Variants in TXLNB observed in about 807,000 individuals in gnomAD.
TXLNB encodes the protein beta-taxilin.
TXLNB carries 37 observed loss-of-function variants against 57.4 expected under a neutral mutation model. The ratio of observed to expected loss-of-function variants is 0.64; its 90% confidence interval spans 0.50 to 0.85. TXLNB has a LOEUF of 0.85. Ranked by LOEUF, TXLNB falls within the 40% of genes least tolerant of loss-of-function variation. The pLI, the probability that TXLNB is intolerant of heterozygous loss-of-function variation, is 0.00. For missense variants in TXLNB, 848 were observed against 825.6 expected (o/e 1.03, Z -0.33); for synonymous variants, 302 against 309.6 (o/e 0.98, Z 0.26).
the TXLNB span, among the ~76,000 whole-genome samples, chr6:139,209,254 A>G: frequency 6.6e-6 from 1 of 152,316 alleles, no homozygotes; most frequent in Admixed American, 6.5e-5. Flanking sequence ...GAGGTGAAAG[A>G]TCTCTACAAG....
chr6:139,293,172 A>G (rs1167865076), upstream of TXLNB, among the ~76,000 whole-genome samples: 1 of 152,130 alleles, frequency 6.6e-6, no homozygotes, highest in Non-Finnish European at 1.5e-5. Context: ...ATCTCAGCTC[A>G]CTGCAACCTC....
intron 1 of TXLNB, among the ~76,000 whole-genome samples, chr6:139,290,013 C>CT (rs374617454): frequency 7.2e-5 from 11 of 152,052 alleles, no homozygotes; most frequent in African/African-American, 2.2e-4. Context: ...AACACGAATG[C>CT]TTTTTTTGAG....
the TXLNB span, among the ~76,000 whole-genome samples, chr6:139,315,068 T>G: frequency 1.3e-5 from 2 of 152,110 alleles, no homozygotes; most frequent in Non-Finnish European, 2.9e-5. Context: ...GCCTGAGATA[T>G]TTTGCAGGCC....
intron 3 of TXLNB, chr6:139,271,532 T>A (rs539386586): frequency 2.6e-5 from 4 of 152,190 alleles, no homozygotes; most frequent in Non-Finnish European, 4.4e-5. Flanking sequence ...TTCAAATAAA[T>A]AAGAAATAAT....
rs764604370 is a variant in TXLNB, at chr6:139,242,732, C to T, written c.1849G>A (p.Ala617Thr). The T allele has an allele frequency of 1.9e-6, 3 of 1,613,434 alleles. No homozygotes were observed. The highest frequency in any genetic ancestry group is 1.3e-5 in the African/African-American group (1 of 74,848). ...TTCTGTAGGGAGGCCTCGGTGGGAG[C>T]CTGTGGGGCCTGACCGGAAGCTTCT... is the stretch of plus-strand genomic sequence containing the variant. Reference protein sequence around the residue: ...EAEASGQAPQAPTEASLQKME... With the variant: ...EAEASGQAPQTPTEASLQKME... The change falls in exon 10 of 10, where the codon GCT becomes ACT. Residue 617 changes from alanine (A) to threonine (T), a missense_variant. Ala to Thr is a moderately conservative substitution (Grantham distance 58). Transcript: ENST00000358430.
chr6:139,317,670 C>T, the TXLNB span, among the ~76,000 whole-genome samples: 22 of 152,098 alleles, frequency 1.4e-4, no homozygotes, highest in East Asian at 3.9e-4. Context: ...GGATTACAGG[C>T]GTGAGCCACC....
chr6:139,253,781 A>T (rs1267398529), intron 7 of TXLNB, among the ~76,000 whole-genome samples: 1 of 152,196 alleles, frequency 6.6e-6, no homozygotes, highest in African/African-American at 2.4e-5. Flanking sequence ...TTAACAATGT[A>T]ATCTACTCTG....
At chr6:139,253,886 C>T (rs1160663210) in intron 7 of TXLNB, among the ~76,000 whole-genome samples, 1 of 152,124 alleles carries the variant, frequency 6.6e-6, no homozygotes, top group Non-Finnish European at 1.5e-5. Context: ...ATTTATTGTT[C>T]CCCTCAAGGC....
At chr6:139,244,721 C>T (rs1428925865) in intron 8 of TXLNB, 31 bp from the exon 9 acceptor site, 1 of 1,509,922 alleles carries the variant, frequency 6.6e-7, no homozygotes, top group Non-Finnish European at 9.2e-7. Flanking sequence ...GTGTGTTAAT[C>T]TTGAAAAGTT....
At chr6:139,178,452 A>C in the TXLNB span, 1 of 151,952 alleles carries the variant, frequency 6.6e-6, no homozygotes, top group Non-Finnish European at 1.5e-5. Flanking sequence ...TGAATAGCCA[A>C]ATTTGGGGTT....
the TXLNB span, among the ~76,000 whole-genome samples, chr6:139,201,325 C>T: frequency 3.9e-5 from 6 of 152,162 alleles, no homozygotes; most frequent in Non-Finnish European, 2.9e-5. Flanking sequence ...CTCCACATCA[C>T]CAAACTGAAA....
intron 4 of TXLNB, among the ~76,000 whole-genome samples, chr6:139,265,491 A>G (rs2114534561): frequency 6.6e-6 from 1 of 152,164 alleles, no homozygotes; most frequent in East Asian, 1.9e-4. Flanking sequence ...AGCGGTTTTA[A>G]TAAAGAAAAG....
At chr6:139,270,739 T>TATA in intron 3 of TXLNB, 113 bp from the exon 4 acceptor site, 1 of 882,678 alleles carries the variant, frequency 1.1e-6, no homozygotes, top group Non-Finnish European at 1.8e-6. Flanking sequence ...CATTTTTTGC[T>TATA]ATTATCTCTT....
chr6:139,222,445 C>A, the TXLNB span, among the ~76,000 whole-genome samples: 823 of 152,184 alleles, frequency 5.4e-3, 2 homozygotes, highest in Non-Finnish European at 9.2e-3. Context: ...ATAAAGATAT[C>A]GCTAGTATAA....
chr6:139,223,110 C>T, the TXLNB span, among the ~76,000 whole-genome samples: 1 of 152,124 alleles, frequency 6.6e-6, no homozygotes, highest in Non-Finnish European at 1.5e-5. Context: ...TGATTTAAAT[C>T]ATATAGTATA....
At chr6:139,318,226 C>T in the TXLNB span, among the ~76,000 whole-genome samples, 12 of 142,174 alleles carry the variant, frequency 8.4e-5, no homozygotes, top group African/African-American at 3.2e-4. Context: ...GCCAAGATCA[C>T]GCCACTGCAC....
chr6:139,207,793 G>A, the TXLNB span, among the ~76,000 whole-genome samples: 1 of 152,150 alleles, frequency 6.6e-6, no homozygotes, highest in East Asian at 1.9e-4. Context: ...AAATGAAATA[G>A]GGCCAGGCGC....
At chr6:139,274,141 T>C (rs1776835869) in intron 3 of TXLNB, among the ~76,000 whole-genome samples, 1 of 152,244 alleles carries the variant, frequency 6.6e-6, no homozygotes, top group South Asian at 2.1e-4. Context: ...AAAATATTTC[T>C]CCCAGGCCAT....
At chr6:139,233,078 T>C in the TXLNB span, among the ~76,000 whole-genome samples, 1 of 151,994 alleles carries the variant, frequency 6.6e-6, no homozygotes. Context: ...AAGTGAAATA[T>C]ATAAAATTTT....
Sources: gnomAD v4.1 joint callset for allele counts (sites outside exome capture counted in the v4.1 genomes callset) on GRCh38, gnomAD v4.1.1 for gene constraint, MANE v1.5 for transcripts, NCBI Gene and HGNC (gene_info 2026-07-23, HGNC 2026-07-21) for gene names.